GRM8: variants seen among roughly 807,000 people sequenced by gnomAD.
The protein encoded by GRM8 is metabotropic glutamate receptor 8.
In GRM8, 47 loss-of-function variants were observed where a neutral mutation model predicts 87.2. The ratio of observed to expected loss-of-function variants is 0.54; its 90% confidence interval spans 0.43 to 0.69. The LOEUF (loss-of-function observed/expected upper bound fraction) is 0.69. Among genes scored for constraint, GRM8 ranks in the 30% least tolerant of loss-of-function variants. The probability of loss-of-function intolerance (pLI) is 0.00; values close to 1 mark genes in which losing one functional copy is unlikely to be tolerated. For synonymous variants in GRM8, 396 were observed against 404.5 expected (o/e 0.98, Z 0.25); for missense variants, 1,019 against 1,139.2 (o/e 0.89, Z 1.52).
chr7:127,148,517 T>C (rs1299336575), intron 2 of GRM8, among the ~76,000 whole-genome samples: 3 of 151,874 alleles, frequency 2.0e-5, no homozygotes, highest in Non-Finnish European at 4.4e-5. Context: ...AGCAGTATAA[T>C]ACATGCACAT....
chr7:127,242,211 C>T (rs752014541), intron 2 of GRM8, among the ~76,000 whole-genome samples: 4 of 151,730 alleles, frequency 2.6e-5, no homozygotes, highest in Non-Finnish European at 4.4e-5. Flanking sequence ...GAGTGTCACT[C>T]CCATCTACAC....
At chr7:126,999,642 A>G (rs561514823) in intron 3 of GRM8, among the ~76,000 whole-genome samples, 1 of 151,924 alleles carries the variant, frequency 6.6e-6, no homozygotes, top group African/African-American at 2.4e-5. Flanking sequence ...AAGGTGCTCA[A>G]TGTCACTGAT....
intron 9 of GRM8, among the ~76,000 whole-genome samples, chr7:126,496,124 T>TA (rs1449560606): frequency 6.6e-6 from 1 of 151,876 alleles, no homozygotes; most frequent in Non-Finnish European, 1.5e-5. Context: ...ATTTTACACT[T>TA]AGAGTTTCAG....
intron 3 of GRM8, among the ~76,000 whole-genome samples, chr7:127,043,791 A>T (rs1405959473): frequency 6.6e-6 from 1 of 152,098 alleles, no homozygotes; most frequent in African/African-American, 2.4e-5. Flanking sequence ...AAAATAAAAA[A>T]CCCTTTGCGG....
intron 7 of GRM8, among the ~76,000 whole-genome samples, chr7:126,640,850 A>C (rs2237750): frequency 0.31 from 46,745 of 151,680 alleles, 8,069 homozygotes; most frequent in East Asian, 0.43. Context: ...GAGCGTCCCT[A>C]TCTGAATTAT....
chr7:126,885,805 C>T (rs548862215), intron 6 of GRM8, among the ~76,000 whole-genome samples: 2 of 152,248 alleles, frequency 1.3e-5, no homozygotes, highest in South Asian at 4.1e-4. Context: ...TATCTTCTAC[C>T]TTCAAATATA....
At chr7:126,846,238 T>A (rs1242302945) in intron 6 of GRM8, among the ~76,000 whole-genome samples, 1 of 152,104 alleles carries the variant, frequency 6.6e-6, no homozygotes, top group Non-Finnish European at 1.5e-5. Flanking sequence ...CTGTTAAAAC[T>A]CAAACTAAAA....
chr7:126,625,640 T>C (rs1193843707), intron 7 of GRM8, among the ~76,000 whole-genome samples: 1 of 152,182 alleles, frequency 6.6e-6, no homozygotes, highest in Non-Finnish European at 1.5e-5. Flanking sequence ...AAATAGACCC[T>C]ATAATTGCAT....
chr7:127,167,885 A>G (rs1396396515), intron 2 of GRM8, among the ~76,000 whole-genome samples: 3 of 152,104 alleles, frequency 2.0e-5, no homozygotes, highest in Non-Finnish European at 2.9e-5. Flanking sequence ...GACTTCATGA[A>G]AGACCTAAAA....
chr7:126,653,361 C>T (rs943712877), intron 7 of GRM8, among the ~76,000 whole-genome samples: 3 of 148,558 alleles, frequency 2.0e-5, no homozygotes, highest in African/African-American at 7.4e-5. Flanking sequence ...ATTCAATATT[C>T]AATTAGGGGG....
At chr7:126,489,432 T>C (rs1390582265) in intron 9 of GRM8, among the ~76,000 whole-genome samples, 1 of 152,052 alleles carries the variant, frequency 6.6e-6, no homozygotes, top group Non-Finnish European at 1.5e-5. Context: ...GTACTTGTCA[T>C]AGAGGATGAT....
At chr7:126,456,581 A>G (rs1803272470) in intron 9 of GRM8, among the ~76,000 whole-genome samples, 1 of 145,958 alleles carries the variant, frequency 6.9e-6, no homozygotes, top group South Asian at 2.2e-4. Context: ...GAATTCAGTT[A>G]GAATTCAGGT....
chr7:126,637,629 T>C (rs1460874989), intron 7 of GRM8, among the ~76,000 whole-genome samples: 1 of 152,148 alleles, frequency 6.6e-6, no homozygotes, highest in African/African-American at 2.4e-5. Context: ...AACATTAATG[T>C]CTCCCTGAAA....
At chr7:126,824,471 T>C (rs1277341031) in intron 6 of GRM8, among the ~76,000 whole-genome samples, 2 of 152,216 alleles carry the variant, frequency 1.3e-5, no homozygotes, top group African/African-American at 4.8e-5. Context: ...TTCTCCCCAC[T>C]GCCCATTCCT....
intron 3 of GRM8, among the ~76,000 whole-genome samples, chr7:127,048,018 C>T (rs1223753341): frequency 6.6e-6 from 1 of 152,088 alleles, no homozygotes. Context: ...AGGCACTGTT[C>T]TAGGTGTCTG....
At chr7:126,637,026 T>C (rs902533049) in intron 7 of GRM8, among the ~76,000 whole-genome samples, 11 of 152,102 alleles carry the variant, frequency 7.2e-5, no homozygotes, top group African/African-American at 2.7e-4. Context: ...GATCAAATTA[T>C]CTCATTGGAG....
chr7:127,012,624 C>T (rs1025806083), intron 3 of GRM8, among the ~76,000 whole-genome samples: 1 of 152,086 alleles, frequency 6.6e-6, no homozygotes, highest in Non-Finnish European at 1.5e-5. Context: ...CACATCACAG[C>T]TTCTATGATG....
chr7:126,831,655 A>G (rs1031358805), intron 6 of GRM8, among the ~76,000 whole-genome samples: 1 of 152,088 alleles, frequency 6.6e-6, no homozygotes, highest in Non-Finnish European at 1.5e-5. Flanking sequence ...GTGCTTCCTG[A>G]GTGAGGCAAT....
intron 3 of GRM8, among the ~76,000 whole-genome samples, chr7:126,984,000 G>C (rs1426373130): frequency 6.6e-6 from 1 of 151,438 alleles, no homozygotes; most frequent in Non-Finnish European, 1.5e-5. Context: ...CAGGTATACA[G>C]AAAATATCTT....
Sources: allele counts gnomAD v4.1 joint callset (sites outside exome capture counted in the v4.1 genomes callset), GRCh38; gene constraint gnomAD v4.1.1; transcripts MANE v1.5; gene names NCBI Gene and HGNC (gene_info 2026-07-23, HGNC 2026-07-21).